Variants in KCNB2 observed in about 807,000 individuals in gnomAD.
KCNB2 encodes potassium voltage-gated channel subfamily B member 2.
A neutral mutation model predicts 61.5 loss-of-function variants in KCNB2; 15 were observed. That is an observed-to-expected ratio of 0.24 (90% CI 0.16 to 0.38). The LOEUF is 0.38. KCNB2 is among the 10% of genes least tolerant of loss of function. The pLI is 1.00. For missense variants in KCNB2, 828 were observed against 1,125.2 expected, an observed-to-expected ratio of 0.74 and a Z score of 3.78; for synonymous variants, 457 against 446.0, an observed-to-expected ratio of 1.02 and a Z score of -0.31.
chr8:72,786,465 C>A (rs1808847512), intron 2 of KCNB2, among the ~76,000 whole-genome samples: 1 of 152,156 alleles, frequency 6.6e-6, no homozygotes, highest in African/African-American at 2.4e-5. Flanking sequence ...GATTTTCAAA[C>A]AACCATCCTA....
chr8:72,563,807 C>G (rs1396661298), intron 1 of KCNB2, among the ~76,000 whole-genome samples: 2 of 152,180 alleles, frequency 1.3e-5, no homozygotes, highest in African/African-American at 4.8e-5. Flanking sequence ...GAACACTATT[C>G]ACAGCTCTTC....
intron 2 of KCNB2, among the ~76,000 whole-genome samples, chr8:72,607,439 G>A (rs918937885): frequency 6.6e-6 from 1 of 152,182 alleles, no homozygotes; most frequent in East Asian, 1.9e-4. Flanking sequence ...GTATTTACTG[G>A]AGACTGAGCT....
At chr8:72,715,464 T>A (rs1226617136) in intron 2 of KCNB2, among the ~76,000 whole-genome samples, 2 of 152,190 alleles carry the variant, frequency 1.3e-5, no homozygotes, top group African/African-American at 2.4e-5. Flanking sequence ...AAACTGTCTC[T>A]CAGACCACAG....
intron 2 of KCNB2, among the ~76,000 whole-genome samples, chr8:72,637,173 A>G (rs1805979585): frequency 6.6e-6 from 1 of 152,178 alleles, no homozygotes; most frequent in Admixed American, 6.5e-5. Flanking sequence ...TCTGCTAACA[A>G]TAACCAAACT....
At chr8:72,915,451 T>A (rs1038038593) in intron 2 of KCNB2, among the ~76,000 whole-genome samples, 2 of 151,900 alleles carry the variant, frequency 1.3e-5, no homozygotes, top group African/African-American at 4.8e-5. Flanking sequence ...GAGGTAGGGA[T>A]TGGGGAAAAA....
intron 2 of KCNB2, among the ~76,000 whole-genome samples, chr8:72,677,383 G>A (rs2439335): frequency 1.3e-4 from 20 of 152,132 alleles, no homozygotes; most frequent in African/African-American, 4.6e-4. Context: ...TTGTCTTCTC[G>A]ATCCTCAGGA....
intron 2 of KCNB2, among the ~76,000 whole-genome samples, chr8:72,691,326 A>ACTTAAATCCTCTCATAACTT (rs1282435299): frequency 6.6e-6 from 1 of 152,178 alleles, no homozygotes. Context: ...TCCTCTCATA[A>ACTTAAATCCTCTCATAACTT]CAGCCAATGT....
chr8:72,929,345 G>A (rs1324264179), intron 2 of KCNB2, among the ~76,000 whole-genome samples: 2 of 152,136 alleles, frequency 1.3e-5, no homozygotes, highest in South Asian at 2.1e-4. Flanking sequence ...CTACTAATGC[G>A]AGTGCTGGGA....
At chr8:72,718,983 G>A (rs973696955) in intron 2 of KCNB2, among the ~76,000 whole-genome samples, 2 of 151,962 alleles carry the variant, frequency 1.3e-5, no homozygotes, top group Admixed American at 6.6e-5. Flanking sequence ...TACCCCAAAT[G>A]TCAAGATAAG....
At chr8:72,614,122 T>G (rs1298604591) in intron 2 of KCNB2, among the ~76,000 whole-genome samples, 1 of 152,184 alleles carries the variant, frequency 6.6e-6, no homozygotes, top group Non-Finnish European at 1.5e-5. Context: ...AAGAGTGTAA[T>G]GTACAATCTG....
intron 2 of KCNB2, among the ~76,000 whole-genome samples, chr8:72,802,275 T>C (rs1343341483): frequency 7.2e-5 from 11 of 152,318 alleles, no homozygotes. Flanking sequence ...AACCCCTAAA[T>C]GGATAGACGT....
chr8:72,826,195 T>C (rs1809593291), intron 2 of KCNB2, among the ~76,000 whole-genome samples: 1 of 152,214 alleles, frequency 6.6e-6, no homozygotes, highest in Non-Finnish European at 1.5e-5. Context: ...CCATTACGTA[T>C]CATATCAGTA....
At chr8:72,909,680 CTCAGGTAGTGGCAA>C (rs1338668875) in intron 2 of KCNB2, among the ~76,000 whole-genome samples, 1 of 152,006 alleles carries the variant, frequency 6.6e-6, no homozygotes, top group Non-Finnish European at 1.5e-5. Flanking sequence ...CAGTCCCACA[CTCAGGTAGTGGCAA>C]AAAGGATGAA....
intron 2 of KCNB2, among the ~76,000 whole-genome samples, chr8:72,578,073 C>G (rs1446676242): frequency 1.3e-5 from 2 of 152,122 alleles, no homozygotes; most frequent in East Asian, 3.8e-4. Context: ...CATGTCAGAG[C>G]ATGTAGTTTT....
chr8:72,594,474 A>G (rs1022005038), intron 2 of KCNB2, among the ~76,000 whole-genome samples: 3 of 152,194 alleles, frequency 2.0e-5, no homozygotes, highest in Admixed American at 1.3e-4. Context: ...GTGTGGAGTC[A>G]GGGTTGGGGA....
intron 2 of KCNB2, among the ~76,000 whole-genome samples, chr8:72,847,506 T>C (rs558305711): frequency 4.3e-4 from 66 of 152,354 alleles, no homozygotes; most frequent in African/African-American, 1.5e-3. Flanking sequence ...TTCCCAGATA[T>C]TCGTTAACTC....
intron 2 of KCNB2, among the ~76,000 whole-genome samples, chr8:72,927,605 C>T (rs557384812): frequency 6.6e-6 from 1 of 152,142 alleles, no homozygotes; most frequent in Non-Finnish European, 1.5e-5. Flanking sequence ...TGCATTCAAC[C>T]ACACTACACT....
intron 2 of KCNB2, among the ~76,000 whole-genome samples, chr8:72,927,011 T>G (rs1806663330): frequency 6.6e-6 from 1 of 152,180 alleles, no homozygotes; most frequent in African/African-American, 2.4e-5. Flanking sequence ...GAGAACTTGT[T>G]AAAACACAGA....
intron 2 of KCNB2, among the ~76,000 whole-genome samples, chr8:72,909,308 G>A (rs1011570544): frequency 2.0e-5 from 3 of 152,106 alleles, no homozygotes; most frequent in African/African-American, 7.2e-5. Context: ...AGGGAGAAGG[G>A]GGAAGAAGAA....
Sources: allele counts gnomAD v4.1 joint callset (sites outside exome capture counted in the v4.1 genomes callset), GRCh38; gene constraint gnomAD v4.1.1; transcripts MANE v1.5; gene names NCBI Gene and HGNC (gene_info 2026-07-23, HGNC 2026-07-21).